NELL2: variants seen among roughly 807,000 people sequenced by gnomAD.
NELL2 encodes the protein neural EGFL like 2.
Under a neutral mutation model 109.6 loss-of-function variants are expected in NELL2, and 41 were observed. The observed-to-expected ratio is 0.37, with a 90% CI of 0.29 to 0.49. The LOEUF (loss-of-function observed/expected upper bound fraction) is 0.49, where lower values mean the gene tolerates loss of function less well. NELL2 is among the 20% of genes least tolerant of loss of function. NELL2 has a pLI of 0.98. For synonymous variants in NELL2, 355 were observed against 344.7 expected, an observed-to-expected ratio of 1.03 and a Z score of -0.33; for missense variants, 900 against 1,008.3, an observed-to-expected ratio of 0.89 and a Z score of 1.45.
chr12:44,824,139 C>T (rs1943628465), intron 2 of NELL2, among the ~76,000 whole-genome samples: 1 of 152,154 alleles, frequency 6.6e-6, no homozygotes, highest in African/African-American at 2.4e-5. Flanking sequence ...ATATATTAGA[C>T]AATGTGCTAG....
chr12:44,770,196 T>C (rs1941493130), intron 9 of NELL2, among the ~76,000 whole-genome samples: 1 of 152,158 alleles, frequency 6.6e-6, no homozygotes, highest in Non-Finnish European at 1.5e-5. Context: ...AATGAACTAA[T>C]GAGATCATTT....
chr12:44,823,882 C>T (rs116342993), intron 2 of NELL2, among the ~76,000 whole-genome samples: 2,073 of 152,270 alleles, frequency 0.014, 49 homozygotes, highest in African/African-American at 0.047. Flanking sequence ...CTTTTCTCCT[C>T]GTCCTTGCCA....
At chr12:44,794,925 G>T (rs1182998341) in intron 3 of NELL2, among the ~76,000 whole-genome samples, 2 of 151,354 alleles carry the variant, frequency 1.3e-5, no homozygotes, top group African/African-American at 4.9e-5. Context: ...TTAGAATTTT[G>T]AGAGTTAGCT....
chr12:44,533,118 C>T (rs1000169394), intron 15 of NELL2, among the ~76,000 whole-genome samples: 1 of 152,106 alleles, frequency 6.6e-6, no homozygotes, highest in Non-Finnish European at 1.5e-5. Flanking sequence ...ATAAGTGTCA[C>T]CTCTATGCAG....
intron 2 of NELL2, among the ~76,000 whole-genome samples, chr12:44,843,741 G>C (rs1944293108): frequency 6.6e-6 from 1 of 152,128 alleles, no homozygotes; most frequent in South Asian, 2.1e-4. Context: ...TGAAGCCTTG[G>C]CCTGGCGTGG....
chr12:44,783,619 A>T (rs1452011336), intron 3 of NELL2, among the ~76,000 whole-genome samples: 1 of 151,978 alleles, frequency 6.6e-6, no homozygotes, highest in Non-Finnish European at 1.5e-5. Context: ...CAAAAACACA[A>T]CTTACAGAAT....
rs906461025 is a variant in NELL2 at position 44,779,864 on chromosome 12, T to C, written c.494A>G (p.His165Arg). The C allele has an allele frequency of 1.4e-5, 22 of 1,613,870 alleles. No individual in the cohort carries two copies. Among genetic ancestry groups the C allele is most frequent in the Non-Finnish European group, 1.9e-5 (22 of 1,179,782 alleles). ...LAISASHLIL[H>R]IDCNKIYERV... ...CTACACTTACTTATTGCAGTCAATGTGTAAAATCAAATGGGAAGCACTGAT... is the reference window on the plus strand; with the variant it reads ...CTACACTTACTTATTGCAGTCAATGCGTAAAATCAAATGGGAAGCACTGAT... Residue 165 changes from histidine (H) to arginine (R), a missense_variant, in exon 4 of 20, where the codon CAC becomes CGC. Transcript: ENST00000429094.
chr12:44,887,659 T>TGTGTGTG, intron 1 of NELL2, among the ~76,000 whole-genome samples: 1 of 146,518 alleles, frequency 6.8e-6, no homozygotes, highest in African/African-American at 2.7e-5. Flanking sequence ...TGTGTGTGTG[T>TGTGTGTG]TGTTGTTGTT....
intron 13 of NELL2, among the ~76,000 whole-genome samples, chr12:44,664,263 T>C (rs539552828): frequency 1.3e-5 from 2 of 152,206 alleles, no homozygotes; most frequent in African/African-American, 4.8e-5. Flanking sequence ...AATTAGGAAA[T>C]GTTTAGGATG....
rs762002562 is a variant in NELL2, at chr12:44,665,640, C to T, written c.1319-31G>A. ...AAGAAAAACAGGACAAAGAGGTCAA[C>T]AGTGGGCAATATTCTGGAGCTCCTA... On this transcript the variant is annotated intron_variant, in intron 12 of 19. Transcript: ENST00000429094. 2.8e-5 allele frequency: 44 copies of T among 1,596,972 alleles called. 2 individuals are homozygous for T. The South Asian group carries it at 4.9e-4, about 18-fold the overall frequency.
At chr12:44,852,684 C>T (rs1361753773) in intron 2 of NELL2, among the ~76,000 whole-genome samples, 6 of 152,200 alleles carry the variant, frequency 3.9e-5, no homozygotes, top group Admixed American at 3.9e-4. Flanking sequence ...AAAAAGTAAT[C>T]ATCCATTAAA....
At chr12:44,835,249 G>A (rs561107063) in intron 2 of NELL2, among the ~76,000 whole-genome samples, 1 of 152,284 alleles carries the variant, frequency 6.6e-6, no homozygotes, top group African/African-American at 2.4e-5. Context: ...CCACTCGCCC[G>A]ACGTGCTCCA....
At chr12:44,622,502 T>C (rs896729400) in intron 13 of NELL2, among the ~76,000 whole-genome samples, 1 of 151,970 alleles carries the variant, frequency 6.6e-6, no homozygotes. Flanking sequence ...TATCTACAAA[T>C]AAATAAGATT....
At chr12:44,747,648 G>C (rs114241836) in intron 9 of NELL2, among the ~76,000 whole-genome samples, 1 of 151,902 alleles carries the variant, frequency 6.6e-6, no homozygotes, top group Admixed American at 6.6e-5. Flanking sequence ...ACTGTTTAAC[G>C]GTCAACTGTA....
At chr12:44,523,749 CT>C in intron 16 of NELL2, 1 of 423,218 alleles carries the variant, frequency 2.4e-6, no homozygotes, top group South Asian at 3.3e-5. Flanking sequence ...TAACATTAGG[CT>C]TTATGAAACA....
chr12:44,901,703 A>C (rs1343190271), intron 1 of NELL2, among the ~76,000 whole-genome samples: 1 of 152,234 alleles, frequency 6.6e-6, no homozygotes, highest in Admixed American at 6.5e-5. Context: ...CTTATCCAGC[A>C]TGATCAAGTC....
At chr12:44,826,936 TG>T (rs1392870165) in intron 2 of NELL2, among the ~76,000 whole-genome samples, 1 of 152,214 alleles carries the variant, frequency 6.6e-6, no homozygotes, top group Non-Finnish European at 1.5e-5. Flanking sequence ...AAATTGCACT[TG>T]ATCTTAGAAT....
chr12:44,708,901 T>A (rs1387647662), intron 11 of NELL2, among the ~76,000 whole-genome samples: 1 of 152,210 alleles, frequency 6.6e-6, no homozygotes. Context: ...ACACATTTTT[T>A]AACTGTAAAT....
chr12:44,875,317 T>A lies in NELL2; in HGVS notation c.92A>T (p.Asp31Val). Residue 31 changes from aspartate (D) to valine (V), a missense_variant, in exon 2 of 20, where the codon GAC (aspartate) becomes GTC (valine). Physicochemically the swap from Asp to Val is radical, Grantham distance 152 (BLOSUM62 -3). Transcript: ENST00000429094. ...CCCAAGTTCTAACTCTGTTAAGACG[T>A]CAATCTGTAGGGAAGGGTCCACACC... Reference protein sequence around the residue: ...GLGVDPSLQIDVLTELELGES... With the variant: ...GLGVDPSLQIVVLTELELGES... 1 of 1,614,078 alleles carries A rather than the reference T, an allele frequency of 6.2e-7. No homozygotes were observed. Among genetic ancestry groups the A allele is most frequent in the Non-Finnish European group, 8.5e-7 (1 of 1,180,014 alleles).
Sources: allele counts gnomAD v4.1 joint callset (sites outside exome capture counted in the v4.1 genomes callset), GRCh38; gene constraint gnomAD v4.1.1; transcripts MANE v1.5; gene names NCBI Gene and HGNC (gene_info 2026-07-23, HGNC 2026-07-21).